The following GGNBP2 variants were observed in gnomAD, a reference collection of about 807,000 sequenced individuals.
GGNBP2 encodes gametogenetin-binding protein 2.
In GGNBP2, 10 loss-of-function variants were observed where a neutral mutation model predicts 85.9. The ratio of observed to expected loss-of-function variants is 0.12; its 90% CI spans 0.07 to 0.20. GGNBP2 has a LOEUF of 0.20. Ranked by LOEUF, GGNBP2 falls within the 10% of genes least tolerant of loss-of-function variation. The pLI is 1.00. For missense variants in GGNBP2, 595 were observed against 857.8 expected (o/e 0.69, Z 3.83); for synonymous variants, 287 against 285.7 (o/e 1.00, Z -0.05).
At chr17:36,560,925 A>C in intron 5 of GGNBP2, 54 bp downstream of exon 5, 1 of 944,566 alleles carries the variant, frequency 1.1e-6, no homozygotes. Context: ...TATATATTTG[A>C]TCATATTTAG....
At chr17:36,563,985 C>T (rs1486033884) in intron 5 of GGNBP2, among the ~76,000 whole-genome samples, 7 of 152,234 alleles carry the variant, frequency 4.6e-5, no homozygotes, top group Admixed American at 3.9e-4. Flanking sequence ...CTCAGGTGAT[C>T]AACCCGCCTT....
At chr17:36,562,398 G>C (rs2074425976) in intron 5 of GGNBP2, among the ~76,000 whole-genome samples, 1 of 151,486 alleles carries the variant, frequency 6.6e-6, no homozygotes. Context: ...CAAACTCCTG[G>C]CCTCAAGTGA....
At chr17:36,560,688 C>A in intron 4 of GGNBP2, 85 bp from the exon 5 acceptor site, 1 of 768,522 alleles carries the variant, frequency 1.3e-6, no homozygotes, top group South Asian at 2.0e-5. Context: ...TGTTTTGAGA[C>A]TTCTCTCTAA....
At chr17:36,559,296 CAAAAAAAAAAA>C (rs892895973) in intron 4 of GGNBP2, among the ~76,000 whole-genome samples, 2 of 31,498 alleles carry the variant, frequency 6.3e-5, no homozygotes, top group East Asian at 9.3e-4. Flanking sequence ...GACTCTGTCT[CAAAAAAAAAAA>C]AAAAAAAAAA....
chr17:36,575,644 A>ATATATATG, intron 6 of GGNBP2, among the ~76,000 whole-genome samples: 1 of 52,492 alleles, frequency 1.9e-5, no homozygotes, highest in African/African-American at 8.2e-5. Context: ...ATATATATAT[A>ATATATATG]TATATTTTTT....
chr17:36,581,191 A>G (rs1037666953), intron 8 of GGNBP2, among the ~76,000 whole-genome samples, 153 bp from the exon 9 acceptor site: 1 of 152,094 alleles, frequency 6.6e-6, no homozygotes, highest in African/African-American at 2.4e-5. Flanking sequence ...AGGCTGAGGC[A>G]GGAGAATGGC....
At chr17:36,548,717 G>A (rs1466316208) in intron 2 of GGNBP2, among the ~76,000 whole-genome samples, 1 of 151,132 alleles carries the variant, frequency 6.6e-6, no homozygotes, top group Non-Finnish European at 1.5e-5. Flanking sequence ...GCCGAGGCTG[G>A]CAGATTGCCT....
At chr17:36,548,465 A>C (rs2074274814) in intron 2 of GGNBP2, among the ~76,000 whole-genome samples, 1 of 151,484 alleles carries the variant, frequency 6.6e-6, no homozygotes. Context: ...AAATACAAAA[A>C]TTAGCCAGAC....
intron 2 of GGNBP2, among the ~76,000 whole-genome samples, chr17:36,548,223 CTT>C (rs1333185009): frequency 3.9e-5 from 6 of 152,290 alleles, no homozygotes; most frequent in Admixed American, 6.5e-5. Context: ...CAGTTGCAGA[CTT>C]TATCATTTTA....
In GGNBP2 at chr17:36,586,171, A is replaced by G. The variant is rs1294064517; in HGVS notation, c.1614A>G (p.Lys538=). Residue 538 remains lysine (K), a synonymous_variant, in exon 12 of 14, where the codon AAA becomes AAG. Transcript: ENST00000613102. ...TKGKNKKKKK[K]SKILKCDEHI... Reference sequence around the variant, plus strand: ...GAAAAAATAAAAAGAAGAAGAAGAAAAGCAAGATACTGAAATGTGATGAAC... The same window carrying G: ...GAAAAAATAAAAAGAAGAAGAAGAAGAGCAAGATACTGAAATGTGATGAAC... The G allele has an allele frequency of 1.9e-6, 3 of 1,612,968 alleles. No homozygotes were observed. The highest frequency in any genetic ancestry group is 2.2e-5 in the East Asian group (1 of 44,898).
At chr17:36,552,811 C>T (rs997519811) in intron 2 of GGNBP2, among the ~76,000 whole-genome samples, 4 of 152,034 alleles carry the variant, frequency 2.6e-5, no homozygotes, top group African/African-American at 4.8e-5. Flanking sequence ...GCCTGAGCTC[C>T]GGAGTTTGAA....
chr17:36,552,766 A>G (rs1161291525), intron 2 of GGNBP2, among the ~76,000 whole-genome samples: 1 of 152,198 alleles, frequency 6.6e-6, no homozygotes, highest in Non-Finnish European at 1.5e-5. Context: ...CACGCCTGTA[A>G]TCCCAGCACT....
At chr17:36,577,192 C>T (rs550760044) in intron 6 of GGNBP2, 6 of 152,240 alleles carry the variant, frequency 3.9e-5, no homozygotes, top group African/African-American at 1.2e-4. Flanking sequence ...CTTCTTGTTC[C>T]AGGAATTCAA....
intron 2 of GGNBP2, among the ~76,000 whole-genome samples, chr17:36,553,280 G>A (rs377229541): frequency 1.3e-5 from 2 of 152,312 alleles, no homozygotes; most frequent in South Asian, 4.1e-4. Flanking sequence ...TGTTGCACAT[G>A]CAGTCTGGAT....
intron 2 of GGNBP2, chr17:36,547,849 G>A (rs887719189): frequency 1.3e-5 from 2 of 152,194 alleles, no homozygotes; most frequent in Admixed American, 6.5e-5. Flanking sequence ...ATTTGTGCTG[G>A]GACTTCTGCA....
At chr17:36,588,200 AGTG>A (rs2074722061) in intron 13 of GGNBP2, among the ~76,000 whole-genome samples, 2 of 152,228 alleles carry the variant, frequency 1.3e-5, no homozygotes, top group South Asian at 4.1e-4. Context: ...GAGGAAGAAG[AGTG>A]GTGTCCTTTT....
At chr17:36,567,639 C>A in intron 5 of GGNBP2, 24 bp from the exon 6 acceptor site, 1 of 1,210,582 alleles carries the variant, frequency 8.3e-7, no homozygotes, top group Non-Finnish European at 1.2e-6. Context: ...TCTCCCTTTT[C>A]ACTAATATTT....
chr17:36,569,358 G>A (rs556268794), intron 6 of GGNBP2, among the ~76,000 whole-genome samples: 2 of 152,300 alleles, frequency 1.3e-5, no homozygotes, highest in African/African-American at 2.4e-5. Flanking sequence ...GTTGCAGTGA[G>A]CCAGGATCGT....
At chr17:36,555,712 A>G (rs746382194) in intron 3 of GGNBP2, among the ~76,000 whole-genome samples, 18 of 152,202 alleles carry the variant, frequency 1.2e-4, no homozygotes, top group Non-Finnish European at 2.5e-4. Context: ...AATAAGATGT[A>G]TATTTGCATG....
Sources: allele counts gnomAD v4.1 joint callset (sites outside exome capture counted in the v4.1 genomes callset), GRCh38; gene constraint gnomAD v4.1.1; transcripts MANE v1.5; gene names NCBI Gene and HGNC (gene_info 2026-07-23, HGNC 2026-07-21).